SAMD12: variants seen among roughly 807,000 people sequenced by gnomAD.
SAMD12 encodes the protein sterile alpha motif domain-containing protein 12.
A neutral mutation model predicts 15.0 loss-of-function variants in SAMD12; 9 were observed. The ratio of observed to expected loss-of-function variants is 0.60; its 90% confidence interval spans 0.36 to 1.05. The LOEUF is 1.05. Among genes scored for constraint, SAMD12 ranks in the 50% least tolerant of loss-of-function variants. The pLI, the probability that SAMD12 is intolerant of heterozygous loss-of-function variation, is 0.01. For synonymous variants in SAMD12, 86 were observed against 90.1 expected, an observed-to-expected ratio of 0.96 and a Z score of 0.25; for missense variants, 230 against 234.2, an observed-to-expected ratio of 0.98 and a Z score of 0.12.
At chr8:118,261,512 C>T (rs989967439) in intron 4 of SAMD12, among the ~76,000 whole-genome samples, 5 of 152,066 alleles carry the variant, frequency 3.3e-5, no homozygotes, top group Admixed American at 1.3e-4. Flanking sequence ...ATTAAATGAT[C>T]GTCAGACTCA....
At chr8:118,348,139 C>G (rs1376802242) in intron 4 of SAMD12, among the ~76,000 whole-genome samples, 1 of 151,794 alleles carries the variant, frequency 6.6e-6, no homozygotes, top group African/African-American at 2.4e-5. Context: ...TGCAACGGTG[C>G]CCTCTCGGCT....
At chr8:118,580,108 AG>A (rs1463767893) in intron 2 of SAMD12, among the ~76,000 whole-genome samples, 1 of 152,172 alleles carries the variant, frequency 6.6e-6, no homozygotes, top group Non-Finnish European at 1.5e-5. Flanking sequence ...TTCACTACTT[AG>A]GGTTCTATTT....
chr8:118,266,167 C>G (rs191800086), intron 4 of SAMD12, among the ~76,000 whole-genome samples: 56 of 152,220 alleles, frequency 3.7e-4, no homozygotes, highest in Admixed American at 3.4e-3. Flanking sequence ...AACTCACTCA[C>G]TATCACGAGA....
chr8:118,268,531 AG>A (rs1266221565), intron 4 of SAMD12, among the ~76,000 whole-genome samples: 7 of 152,238 alleles, frequency 4.6e-5, no homozygotes, highest in African/African-American at 1.7e-4. Flanking sequence ...TCCATAATTC[AG>A]GGCCTGGCGT....
At chr8:118,444,713 C>T (rs1822859406) in intron 2 of SAMD12, among the ~76,000 whole-genome samples, 1 of 151,998 alleles carries the variant, frequency 6.6e-6, no homozygotes, top group Non-Finnish European at 1.5e-5. Context: ...AATTAAATGC[C>T]TTAAAGAAGG....
At chr8:118,257,451 TTC>T in intron 4 of SAMD12, among the ~76,000 whole-genome samples, 1 of 152,212 alleles carries the variant, frequency 6.6e-6, no homozygotes, top group East Asian at 1.9e-4. Context: ...TTCCAAGAAT[TTC>T]TTTATCTTTG....
downstream of SAMD12, among the ~76,000 whole-genome samples, chr8:118,187,461 T>A (rs564654142): frequency 1.3e-5 from 2 of 152,140 alleles, no homozygotes; most frequent in Non-Finnish European, 2.9e-5. Context: ...AAAATGCATT[T>A]AAGGATTTCT....
In SAMD12 at chr8:118,398,324, G is replaced by A. The variant is rs145727559; in HGVS notation, c.323-18624C>T. Among the ~76,000 whole-genome samples, 13 of 152,158 alleles carry A rather than the reference G, an allele frequency of 8.5e-5. No individual in the cohort carries two copies. In the East Asian group the frequency reaches 2.5e-3, roughly 29 times the overall value. On this transcript the variant is annotated intron_variant, in intron 3 of 3. Coordinates refer to ENST00000314727, the MANE Select transcript of SAMD12 (RefSeq NM_207506.3). ...TGAGGCAGGAAAATCACTTGAACCT[G>A]GCCGATGCAGGTTACAGTGAGCTGA...
At chr8:118,252,609 T>C (rs1812845094) in intron 4 of SAMD12, among the ~76,000 whole-genome samples, 2 of 152,148 alleles carry the variant, frequency 1.3e-5, no homozygotes, top group East Asian at 1.9e-4. Context: ...TTCCCAGTTC[T>C]CTTTCTTACT....
At chr8:118,525,758 C>T (rs556112888) in intron 2 of SAMD12, among the ~76,000 whole-genome samples, 1 of 152,268 alleles carries the variant, frequency 6.6e-6, no homozygotes, top group Admixed American at 6.5e-5. Flanking sequence ...CCTGCTCCTC[C>T]CAACCTCTTC....
chr8:118,446,329 G>A (rs1246905304), intron 2 of SAMD12, among the ~76,000 whole-genome samples: 1 of 151,220 alleles, frequency 6.6e-6, no homozygotes, highest in Non-Finnish European at 1.5e-5. Context: ...TCCAAAAGTT[G>A]TCAAGGACTC....
At chr8:118,165,964 G>A in the SAMD12 span, among the ~76,000 whole-genome samples, 1 of 151,818 alleles carries the variant, frequency 6.6e-6, no homozygotes, top group Non-Finnish European at 1.5e-5. Flanking sequence ...TGGTACACTG[G>A]GTTTCTCGAC....
At chr8:118,147,083 G>A in the SAMD12 span, among the ~76,000 whole-genome samples, 1 of 151,620 alleles carries the variant, frequency 6.6e-6, no homozygotes, top group Non-Finnish European at 1.5e-5. Context: ...GGAGTGCAGT[G>A]GCATGATCGT....
At chr8:118,165,660 A>G in the SAMD12 span, among the ~76,000 whole-genome samples, 3 of 141,810 alleles carry the variant, frequency 2.1e-5, no homozygotes, top group East Asian at 5.9e-4. Context: ...AAAACATAAC[A>G]GGTGATTTGA....
the SAMD12 span, among the ~76,000 whole-genome samples, chr8:118,144,178 A>G: frequency 6.6e-6 from 1 of 152,162 alleles, no homozygotes; most frequent in African/African-American, 2.4e-5. Flanking sequence ...ATCTCTGGAC[A>G]GCATTTAGGC....
intron 4 of SAMD12, among the ~76,000 whole-genome samples, chr8:118,282,653 A>C (rs1813709225): frequency 6.6e-6 from 1 of 152,138 alleles, no homozygotes; most frequent in Non-Finnish European, 1.5e-5. Flanking sequence ...GAATTTGCTA[A>C]AACTGGACAG....
intron 1 of SAMD12, among the ~76,000 whole-genome samples, chr8:118,611,354 A>T (rs1423205351): frequency 6.6e-6 from 1 of 152,252 alleles, no homozygotes; most frequent in Admixed American, 6.5e-5. Flanking sequence ...GCAGAAAAAA[A>T]TGAAAGGCAA....
chr8:118,616,490 C>T (rs1341126033), intron 1 of SAMD12, among the ~76,000 whole-genome samples: 1 of 152,220 alleles, frequency 6.6e-6, no homozygotes, highest in Non-Finnish European at 1.5e-5. Context: ...CACACAGAGG[C>T]AGGACAGAGC....
At chr8:118,344,745 A>G (rs1014903751) in intron 4 of SAMD12, among the ~76,000 whole-genome samples, 2 of 152,190 alleles carry the variant, frequency 1.3e-5, no homozygotes, top group Non-Finnish European at 2.9e-5. Context: ...TCCATTTTTT[A>G]GTGGAATGAA....
Sources: allele counts gnomAD v4.1 joint callset (sites outside exome capture counted in the v4.1 genomes callset), GRCh38; gene constraint gnomAD v4.1.1; transcripts MANE v1.5; gene names NCBI Gene and HGNC (gene_info 2026-07-23, HGNC 2026-07-21).